MTUS1: variants seen among roughly 807,000 people sequenced by gnomAD.
MTUS1 encodes microtubule-associated tumor suppressor 1.
Under a neutral mutation model 120.8 loss-of-function variants are expected in MTUS1, and 109 were observed. The observed-to-expected ratio is 0.90, with a 90% CI of 0.77 to 1.06. The LOEUF (loss-of-function observed/expected upper bound fraction) is 1.06. Ranked by LOEUF, MTUS1 falls within the 50% of genes least tolerant of loss-of-function variation. The pLI is 0.00. For missense variants in MTUS1, 2,210 were observed against 1,486.3 expected (o/e 1.49, Z -8.01); for synonymous variants, 737 against 550.5 (o/e 1.34, Z -4.74).
chr8:17,698,524 T>C (rs556147713), intron 6 of MTUS1, among the ~76,000 whole-genome samples: 3 of 152,214 alleles, frequency 2.0e-5, no homozygotes, highest in Admixed American at 6.5e-5. Flanking sequence ...AAACAATGTT[T>C]TAAAAATGTC....
chr8:17,689,351 T>A (rs1173338791), intron 6 of MTUS1, among the ~76,000 whole-genome samples: 2 of 151,752 alleles, frequency 1.3e-5, no homozygotes, highest in African/African-American at 4.9e-5. Context: ...GCTCATATTA[T>A]ATCAAAAAGG....
At chr8:17,756,195 G>A (rs963433045) in intron 1 of MTUS1, among the ~76,000 whole-genome samples, 5 of 152,270 alleles carry the variant, frequency 3.3e-5, no homozygotes, top group Admixed American at 2.0e-4. Flanking sequence ...GTCATTGCTC[G>A]TTAACCCTGT....
chr8:17,714,357 T>C (rs1246120570), intron 5 of MTUS1, among the ~76,000 whole-genome samples: 6 of 152,172 alleles, frequency 3.9e-5, no homozygotes, highest in Non-Finnish European at 8.8e-5. Context: ...TTAAGGAGGA[T>C]GCTGTGACAG....
intron 8 of MTUS1, among the ~76,000 whole-genome samples, chr8:17,657,737 G>A (rs893594757): frequency 6.9e-6 from 1 of 144,942 alleles, no homozygotes; most frequent in Non-Finnish European, 1.5e-5. Context: ...TGAGGTGGGA[G>A]GATCACTTGA....
chr8:17,800,736 G>C (rs539654334), intron 1 of MTUS1: 1 of 152,262 alleles, frequency 6.6e-6, no homozygotes, highest in Admixed American at 6.5e-5. Context: ...CTTCTGCTGA[G>C]AAGGGGCCCT....
intron 8 of MTUS1, among the ~76,000 whole-genome samples, chr8:17,658,739 C>G (rs1009187536): frequency 6.6e-6 from 1 of 152,198 alleles, no homozygotes; most frequent in Non-Finnish European, 1.5e-5. Flanking sequence ...GCCTAAGGAA[C>G]GTGAAAATGG....
chr8:17,702,936 A>G (rs1819392486), intron 6 of MTUS1, among the ~76,000 whole-genome samples: 1 of 152,154 alleles, frequency 6.6e-6, no homozygotes. Context: ...ATACTCTTAT[A>G]ATTTCTTACG....
chr8:17,758,814 T>G (rs961351259), intron 1 of MTUS1, among the ~76,000 whole-genome samples: 3 of 152,260 alleles, frequency 2.0e-5, no homozygotes, highest in African/African-American at 7.2e-5. Context: ...TTTCCTCTTC[T>G]GAAGTGCATA....
intron 1 of MTUS1, among the ~76,000 whole-genome samples, chr8:17,761,562 G>T (rs1290662725): frequency 6.6e-6 from 1 of 152,170 alleles, no homozygotes; most frequent in Non-Finnish European, 1.5e-5. Flanking sequence ...GCTTATATAA[G>T]AGTAGATGTC....
chr8:17,709,288 C>T (rs920929400), intron 6 of MTUS1, among the ~76,000 whole-genome samples: 3 of 152,082 alleles, frequency 2.0e-5, no homozygotes, highest in Admixed American at 6.6e-5. Flanking sequence ...GTTTTCTTTA[C>T]ACAACAGGCT....
At chr8:17,705,637 A>G (rs547258413) in intron 6 of MTUS1, 1 of 152,294 alleles carries the variant, frequency 6.6e-6, no homozygotes, top group East Asian at 1.9e-4. Context: ...CCTTCTCTCT[A>G]CTCTCACCAG....
At chr8:17,700,297 C>T (rs576960484) in intron 6 of MTUS1, among the ~76,000 whole-genome samples, 3 of 151,690 alleles carry the variant, frequency 2.0e-5, no homozygotes, top group South Asian at 4.2e-4. Context: ...GGTGAAACCC[C>T]GTCTCTACTA....
At chr8:17,761,650 A>G (rs1046636058) in intron 1 of MTUS1, among the ~76,000 whole-genome samples, 4 of 152,238 alleles carry the variant, frequency 2.6e-5, no homozygotes, top group African/African-American at 7.2e-5. Context: ...ACACCATATT[A>G]TAACTATAAA....
At chr8:17,775,620 T>C (rs1422767152) in intron 1 of MTUS1, among the ~76,000 whole-genome samples, 4 of 152,244 alleles carry the variant, frequency 2.6e-5, no homozygotes, top group African/African-American at 9.6e-5. Context: ...TTAACTTAAC[T>C]ATCATAAAAG....
chr8:17,755,095 G>C lies in MTUS1; in HGVS notation c.713C>G (p.Ala238Gly), dbSNP rs767333158. Residue 238 changes from alanine (A) to glycine (G), a missense_variant, in exon 2 of 15, where the codon GCC (alanine) becomes GGC (glycine). Coordinates refer to ENST00000693296, the MANE Select transcript of MTUS1 (RefSeq NM_001363059.2). Reference sequence around the variant, plus strand: ...AAATGCTGTGTAAGTCATGTCTTGGGCTTCTGATGGTGTGACTTGAGGGTT... The same window carrying C: ...AAATGCTGTGTAAGTCATGTCTTGGCCTTCTGATGGTGTGACTTGAGGGTT... ...FENPQVTPSE[A>G]QDMTYTAFSD... 7 of 1,613,806 alleles carry C rather than the reference G, an allele frequency of 4.3e-6. No individual in the cohort carries two copies. Among genetic ancestry groups the C allele is most frequent in the Non-Finnish European group, 5.9e-6 (7 of 1,180,016 alleles).
At chr8:17,746,573 TACTC>T (rs1666287140) in intron 2 of MTUS1, among the ~76,000 whole-genome samples, 1 of 152,110 alleles carries the variant, frequency 6.6e-6, no homozygotes, top group African/African-American at 2.4e-5. Flanking sequence ...TCATGAGACT[TACTC>T]ACTACCACAA....
chr8:17,646,237 T>G (rs767888059), intron 14 of MTUS1, 98 bp from the exon 15 acceptor site: 50 of 1,267,458 alleles, frequency 3.9e-5, no homozygotes, highest in Non-Finnish European at 5.2e-5. Flanking sequence ...CCAAAATTAT[T>G]CCTTTGGGAT....
At chr8:17,705,339 T>C (rs1819944126) in intron 6 of MTUS1, among the ~76,000 whole-genome samples, 1 of 152,222 alleles carries the variant, frequency 6.6e-6, no homozygotes, top group African/African-American at 2.4e-5. Context: ...GTTTCTATTA[T>C]ACTAGTGTTC....
At chr8:17,766,840 A>T (rs1173987840) in intron 1 of MTUS1, among the ~76,000 whole-genome samples, 1 of 152,144 alleles carries the variant, frequency 6.6e-6, no homozygotes, top group Non-Finnish European at 1.5e-5. Flanking sequence ...TATATCTGAG[A>T]ATTGTATGAC....
Sources: allele counts gnomAD v4.1 joint callset (sites outside exome capture counted in the v4.1 genomes callset), GRCh38; gene constraint gnomAD v4.1.1; transcripts MANE v1.5; gene names NCBI Gene and HGNC (gene_info 2026-07-23, HGNC 2026-07-21).